C2orf66: variants seen among roughly 807,000 people sequenced by gnomAD.
C2orf66 encodes chromosome 2 open reading frame 66.
Under a neutral mutation model 7.0 loss-of-function variants are expected in C2orf66, and 6 were observed. The observed-to-expected ratio is 0.86, with a 90% confidence interval of 0.47 to 1.69. The LOEUF (loss-of-function observed/expected upper bound fraction) is 1.69. C2orf66 is among the 40% of genes most tolerant of loss of function. The pLI, the probability that C2orf66 is intolerant of heterozygous loss-of-function variation, is 0.01. For missense variants in C2orf66, 107 were observed against 112.0 expected (o/e 0.96, Z 0.20); for synonymous variants, 38 against 43.8 (o/e 0.87, Z 0.52).
At chr2:196,817,529 C>G in the C2orf66 span, among the ~76,000 whole-genome samples, 1 of 152,098 alleles carries the variant, frequency 6.6e-6, no homozygotes, top group African/African-American at 2.4e-5. Flanking sequence ...GCCACCGCAC[C>G]TGGCCGCACG....
chr2:196,806,413 G>C (rs1157125990), intron 2 of C2orf66, among the ~76,000 whole-genome samples: 1 of 151,798 alleles, frequency 6.6e-6, no homozygotes, highest in Non-Finnish European at 1.5e-5. Context: ...TAGCCAGGAC[G>C]GTCTCGATTT....
the C2orf66 span, among the ~76,000 whole-genome samples, chr2:196,817,221 A>C: frequency 2.7e-5 from 4 of 150,828 alleles, no homozygotes; most frequent in Admixed American, 2.0e-4. Context: ...GTGCAAGTGC[A>C]AGTATTGTCT....
upstream of C2orf66, among the ~76,000 whole-genome samples, chr2:196,810,934 T>C (rs1253829465): frequency 6.6e-6 from 1 of 152,236 alleles, no homozygotes; most frequent in Non-Finnish European, 1.5e-5. Flanking sequence ...TGTGTACATA[T>C]AAGTGAACAA....
chr2:196,816,040 T>G, the C2orf66 span, among the ~76,000 whole-genome samples: 2 of 152,194 alleles, frequency 1.3e-5, no homozygotes, highest in South Asian at 2.1e-4. Context: ...ACTGCTTTTT[T>G]TGTGTGTGAC....
At chr2:196,830,376 C>T in the C2orf66 span, among the ~76,000 whole-genome samples, 3 of 152,166 alleles carry the variant, frequency 2.0e-5, no homozygotes, top group Non-Finnish European at 4.4e-5. Context: ...GAGAAACATG[C>T]TCAGCCGTCC....
the C2orf66 span, among the ~76,000 whole-genome samples, chr2:196,823,150 TG>T: frequency 6.6e-6 from 1 of 151,664 alleles, no homozygotes; most frequent in Non-Finnish European, 1.5e-5. Flanking sequence ...TAAACTAGGG[TG>T]GGAGCTAGAA....
the C2orf66 span, among the ~76,000 whole-genome samples, chr2:196,822,567 C>G: frequency 1.3e-5 from 2 of 152,214 alleles, no homozygotes; most frequent in Non-Finnish European, 2.9e-5. Context: ...TCTATTCTTT[C>G]ATTTTCCCCT....
chr2:196,809,357 A>G, upstream of C2orf66: 5 of 1,613,008 alleles, frequency 3.1e-6, no homozygotes, highest in Non-Finnish European at 4.2e-6. Context: ...AGCTGAGTGA[A>G]AGAGGGGATG....
the C2orf66 span, among the ~76,000 whole-genome samples, chr2:196,822,688 C>T: frequency 1.3e-5 from 2 of 151,834 alleles, no homozygotes; most frequent in African/African-American, 4.8e-5. Flanking sequence ...CAAGTGGAGA[C>T]GGGATGGGGA....
chr2:196,829,635 C>T, the C2orf66 span, among the ~76,000 whole-genome samples: 5 of 151,834 alleles, frequency 3.3e-5, no homozygotes, highest in African/African-American at 1.2e-4. Context: ...CAGTGGCTCA[C>T]ACCTGTAATC....
chr2:196,811,548 C>T (rs1331622316), upstream of C2orf66, among the ~76,000 whole-genome samples: 3 of 151,946 alleles, frequency 2.0e-5, no homozygotes, highest in South Asian at 2.1e-4. Flanking sequence ...TTGCTAGGTC[C>T]GTGGGTTATG....
the C2orf66 span, among the ~76,000 whole-genome samples, chr2:196,823,054 T>A: frequency 1.3e-5 from 2 of 150,842 alleles, no homozygotes; most frequent in Non-Finnish European, 2.9e-5. Flanking sequence ...GATTATAATA[T>A]GCAGGATAGA....
At chr2:196,809,420 G>A, upstream of C2orf66, 1 of 1,569,946 alleles carries the variant, frequency 6.4e-7, no homozygotes, top group Non-Finnish European at 8.7e-7. Context: ...GAGAGAGAAA[G>A]AGGAAACATC....
At chr2:196,828,279 A>AC in the C2orf66 span, among the ~76,000 whole-genome samples, 2 of 121,212 alleles carry the variant, frequency 1.7e-5, no homozygotes, top group African/African-American at 3.3e-5. Flanking sequence ...CACACACACA[A>AC]AGCAACCTAG....
At chr2:196,814,597 T>C in the C2orf66 span, among the ~76,000 whole-genome samples, 1 of 152,102 alleles carries the variant, frequency 6.6e-6, no homozygotes, top group Admixed American at 6.5e-5. Flanking sequence ...AAAAAAATTT[T>C]TACTGAGATT....
At chr2:196,809,165 A>G in intron 1 of C2orf66, 49 bp downstream of exon 1, 8 of 1,554,136 alleles carry the variant, frequency 5.1e-6, no homozygotes, top group Non-Finnish European at 7.0e-6. Flanking sequence ...CGTAAATCCA[A>G]AGAGGCATTA....
the C2orf66 span, among the ~76,000 whole-genome samples, chr2:196,826,883 T>C: frequency 0.12 from 17,701 of 151,656 alleles, 1,101 homozygotes; most frequent in Non-Finnish European, 0.14. Flanking sequence ...ATACAAAAAA[T>C]TAGCTGGCGT....
At chr2:196,810,555 C>T (rs953793485), upstream of C2orf66, among the ~76,000 whole-genome samples, 41 of 152,140 alleles carry the variant, frequency 2.7e-4, no homozygotes, top group Non-Finnish European at 2.5e-4. Context: ...GAATAAATGC[C>T]ATCTGTAGAA....
At chr2:196,809,054 A>G (rs961883079) in intron 1 of C2orf66, among the ~76,000 whole-genome samples, 160 bp downstream of exon 1, 2 of 152,226 alleles carry the variant, frequency 1.3e-5, no homozygotes, top group Non-Finnish European at 2.9e-5. Flanking sequence ...TAGGTTGCCA[A>G]CCACTAGGGT....
Sources: allele counts gnomAD v4.1 joint callset (sites outside exome capture counted in the v4.1 genomes callset), GRCh38; gene constraint gnomAD v4.1.1; transcripts MANE v1.5; gene names NCBI Gene and HGNC (gene_info 2026-07-23, HGNC 2026-07-21).